The following EHBP1 variants were observed in gnomAD, a reference collection of about 807,000 sequenced individuals.
EHBP1 encodes the protein EH domain binding protein 1, also known as EH domain-binding protein 1.
Under a neutral mutation model 144.0 loss-of-function variants are expected in EHBP1, and 55 were observed. The ratio of observed to expected loss-of-function variants is 0.38; its 90% CI spans 0.31 to 0.48. The LOEUF (loss-of-function observed/expected upper bound fraction) is 0.48, where lower values mean the gene tolerates loss of function less well. Among genes scored for constraint, EHBP1 ranks in the 20% least tolerant of loss-of-function variants. EHBP1 has a pLI of 0.98. For missense variants in EHBP1, 1,200 were observed against 1,364.2 expected, an observed-to-expected ratio of 0.88 and a Z score of 1.90; for synonymous variants, 469 against 472.7, an observed-to-expected ratio of 0.99 and a Z score of 0.10.
chr2:62,879,005 G>A (rs2051131306), intron 10 of EHBP1, among the ~76,000 whole-genome samples: 2 of 149,584 alleles, frequency 1.3e-5, no homozygotes, highest in Admixed American at 6.6e-5. Flanking sequence ...GTGACAGTGT[G>A]AGACGCTGTC....
At chr2:62,909,212 G>A (rs943337004) in intron 10 of EHBP1, among the ~76,000 whole-genome samples, 24 of 151,938 alleles carry the variant, frequency 1.6e-4, no homozygotes, top group Non-Finnish European at 3.2e-4. Flanking sequence ...AAGGTCTCAC[G>A]CTGTCACCTA....
At chr2:62,914,994 A>G (rs986785673) in intron 10 of EHBP1, among the ~76,000 whole-genome samples, 1 of 152,042 alleles carries the variant, frequency 6.6e-6, no homozygotes, top group South Asian at 2.1e-4. Flanking sequence ...TATATGTGCT[A>G]TTATAGTCTA....
At chr2:62,792,995 T>C (rs1427527813) in intron 5 of EHBP1, among the ~76,000 whole-genome samples, 2 of 151,986 alleles carry the variant, frequency 1.3e-5, no homozygotes, top group African/African-American at 4.8e-5. Flanking sequence ...ATAATGACAA[T>C]GCTACGTATA....
intron 2 of EHBP1, 103 bp from the exon 3 acceptor site, chr2:62,747,292 T>C (rs2039250301): frequency 2.1e-6 from 2 of 930,906 alleles, no homozygotes; most frequent in African/African-American, 1.7e-5. Flanking sequence ...GTAGCTGCTT[T>C]ATGTAGCCTA....
chr2:62,785,661 T>C (rs141350375), intron 5 of EHBP1, among the ~76,000 whole-genome samples: 74 of 152,272 alleles, frequency 4.9e-4, no homozygotes, highest in African/African-American at 1.7e-3. Context: ...CCTTTAAATT[T>C]TATTTTCTTT....
intron 5 of EHBP1, among the ~76,000 whole-genome samples, chr2:62,820,752 A>ATG (rs2045914461): frequency 9.4e-6 from 1 of 106,082 alleles, no homozygotes; most frequent in Non-Finnish European, 2.1e-5. Flanking sequence ...ATATATATAT[A>ATG]TATATATATA....
intron 7 of EHBP1, among the ~76,000 whole-genome samples, chr2:62,854,328 A>G (rs768849362): frequency 1.3e-5 from 2 of 152,240 alleles, no homozygotes; most frequent in Non-Finnish European, 2.9e-5. Context: ...TAGAACTTTT[A>G]ATTTCCTTCA....
chr2:63,021,056 C>T (rs954216802), intron 19 of EHBP1, among the ~76,000 whole-genome samples: 2 of 137,558 alleles, frequency 1.5e-5, no homozygotes, highest in South Asian at 2.4e-4. Context: ...CTCCTGGACT[C>T]GTGATCCTCC....
chr2:62,867,965 A>G (rs1490800572), intron 9 of EHBP1, among the ~76,000 whole-genome samples: 1 of 152,190 alleles, frequency 6.6e-6, no homozygotes, highest in Non-Finnish European at 1.5e-5. Flanking sequence ...AAATGATGCT[A>G]GAACAATTAA....
chr2:63,043,789 T>G (rs1424807750), intron 21 of EHBP1: 1 of 151,920 alleles, frequency 6.6e-6, no homozygotes, highest in Non-Finnish European at 1.5e-5. Flanking sequence ...GCACCAGCCA[T>G]GTGAGTTTTA....
chr2:63,008,553 T>C (rs1414391969), intron 19 of EHBP1, among the ~76,000 whole-genome samples: 1 of 151,440 alleles, frequency 6.6e-6, no homozygotes, highest in Non-Finnish European at 1.5e-5. Context: ...TAGTGATATA[T>C]AAATCACTGC....
intron 19 of EHBP1, among the ~76,000 whole-genome samples, chr2:63,026,741 A>G (rs980923817): frequency 5.3e-5 from 8 of 152,130 alleles, no homozygotes; most frequent in African/African-American, 1.2e-4. Flanking sequence ...CCATTTCTGT[A>G]AGAAATCATA....
chr2:62,778,541 C>CAA (rs955575672), intron 5 of EHBP1, among the ~76,000 whole-genome samples: 25 of 81,464 alleles, frequency 3.1e-4, no homozygotes, highest in East Asian at 8.7e-4. Flanking sequence ...GAGACCCTGT[C>CAA]AAAAAAAAAA....
rs184951870 is a variant in EHBP1 at position 62,751,502 on chromosome 2, G to T, written c.162+4050G>T. The stretch of plus-strand genomic sequence containing the variant: ...ATCAGGATGATGCTGGCCTCATAAA[G>T]TGAGTTAGGGAGGATTTCCTCTTTT... On this transcript the variant is annotated intron_variant, in intron 3 of 22. Coordinates refer to ENST00000431489, the MANE Select transcript of EHBP1 (RefSeq NM_001142616.3). Among the ~76,000 whole-genome samples the T allele has an allele frequency of 3.3e-5, 5 of 152,206 alleles. No individual in the cohort carries two copies. In the East Asian group the frequency reaches 9.7e-4, roughly 29 times the overall value.
intron 2 of EHBP1, among the ~76,000 whole-genome samples, chr2:62,711,070 G>A (rs1161353348): frequency 6.6e-6 from 1 of 152,166 alleles, no homozygotes; most frequent in Non-Finnish European, 1.5e-5. Flanking sequence ...AGTGGAAGCA[G>A]GGATACCAGC....
intron 10 of EHBP1, among the ~76,000 whole-genome samples, chr2:62,937,668 T>G (rs2056467699): frequency 6.6e-6 from 1 of 152,162 alleles, no homozygotes; most frequent in African/African-American, 2.4e-5. Context: ...GCAGCAGTTG[T>G]GCTTGGGACG....
At chr2:62,981,179 A>T (rs933756609) in intron 15 of EHBP1, among the ~76,000 whole-genome samples, 1 of 151,722 alleles carries the variant, frequency 6.6e-6, no homozygotes, top group East Asian at 1.9e-4. Flanking sequence ...CTACAGCTTT[A>T]TAGTAAGATC....
At chr2:62,675,133 C>G (rs1186949015) in intron 1 of EHBP1, among the ~76,000 whole-genome samples, 1 of 152,122 alleles carries the variant, frequency 6.6e-6, no homozygotes, top group Non-Finnish European at 1.5e-5. Flanking sequence ...AGAAATGATG[C>G]CCACAGTCTC....
At chr2:62,877,686 A>G (rs1022864891) in intron 10 of EHBP1, among the ~76,000 whole-genome samples, 1 of 152,198 alleles carries the variant, frequency 6.6e-6, no homozygotes, top group Non-Finnish European at 1.5e-5. Flanking sequence ...AATCAATACT[A>G]AGACCATCTC....
Sources: allele counts gnomAD v4.1 joint callset (sites outside exome capture counted in the v4.1 genomes callset), GRCh38; gene constraint gnomAD v4.1.1; transcripts MANE v1.5; gene names NCBI Gene and HGNC (gene_info 2026-07-23, HGNC 2026-07-21).